The following PCDH15 variants were observed in gnomAD, a reference collection of about 807,000 sequenced individuals.
The protein encoded by PCDH15 is protocadherin-15.
In PCDH15, 129 loss-of-function variants were observed where a neutral mutation model predicts 178.5. The ratio of observed to expected loss-of-function variants is 0.72; its 90% CI spans 0.63 to 0.84. The LOEUF is 0.84. PCDH15 is among the 40% of genes least tolerant of loss of function. The pLI is 0.00. For synonymous variants in PCDH15, 800 were observed against 732.0 expected (o/e 1.09, Z -1.50); for missense variants, 2,230 against 2,099.9 (o/e 1.06, Z -1.21).
At chr10:54,109,423 CA>C (rs1443407230) in intron 15 of PCDH15, among the ~76,000 whole-genome samples, 1 of 152,122 alleles carries the variant, frequency 6.6e-6, no homozygotes, top group Admixed American at 6.5e-5. Context: ...AAAAGAAAAT[CA>C]AAGGCATCAA....
intron 1 of PCDH15, among the ~76,000 whole-genome samples, chr10:55,202,156 T>G (rs2132159940): frequency 6.6e-6 from 1 of 152,214 alleles, no homozygotes; most frequent in South Asian, 2.1e-4. Context: ...TGTATGGAGC[T>G]TCTGAAAGCC....
intron 2 of PCDH15, among the ~76,000 whole-genome samples, chr10:55,416,048 CAAGCA>C (rs1838475207): frequency 8.8e-6 from 1 of 113,208 alleles, no homozygotes; most frequent in African/African-American, 4.0e-5. Flanking sequence ...AACAAACAAA[CAAGCA>C]AACAAACAAA....
intron 8 of PCDH15, among the ~76,000 whole-genome samples, chr10:54,267,331 A>G (rs558634526): frequency 1.3e-5 from 2 of 152,026 alleles, no homozygotes; most frequent in East Asian, 3.9e-4. Flanking sequence ...CTAAATAGGC[A>G]AAAGTTGGAG....
chr10:54,968,912 T>C (rs933546551), intron 2 of PCDH15, among the ~76,000 whole-genome samples: 4 of 152,264 alleles, frequency 2.6e-5, no homozygotes, highest in African/African-American at 7.2e-5. Context: ...AATCTGTTAA[T>C]CCTATCCAGT....
upstream of PCDH15, among the ~76,000 whole-genome samples, chr10:54,804,539 T>C (rs1001285379): frequency 6.6e-6 from 1 of 152,036 alleles, no homozygotes; most frequent in Non-Finnish European, 1.5e-5. Flanking sequence ...ACCATCTTCT[T>C]GTCATTCACC....
intron 2 of PCDH15, among the ~76,000 whole-genome samples, chr10:55,377,159 A>G (rs945744271): frequency 7.9e-5 from 12 of 151,184 alleles, no homozygotes; most frequent in African/African-American, 2.7e-4. Flanking sequence ...AAAAAAAAAA[A>G]AAAAGAAAAG....
intron 2 of PCDH15, among the ~76,000 whole-genome samples, chr10:55,055,779 A>C (rs1441629920): frequency 6.6e-6 from 1 of 152,230 alleles, no homozygotes; most frequent in East Asian, 1.9e-4. Context: ...ACTGCATTCC[A>C]ACCTGGGTGA....
chr10:54,132,197 TA>T (rs1431238224), intron 15 of PCDH15, among the ~76,000 whole-genome samples: 1 of 152,180 alleles, frequency 6.6e-6, no homozygotes, highest in Non-Finnish European at 1.5e-5. Flanking sequence ...ACACCGTATT[TA>T]GCCCAACTTG....
chr10:54,590,147 T>G (rs2133922183), intron 2 of PCDH15, among the ~76,000 whole-genome samples: 1 of 152,304 alleles, frequency 6.6e-6, no homozygotes, highest in Middle Eastern at 3.4e-3. Context: ...TTTATTCCAT[T>G]TAGTGAACTT....
chr10:55,463,802 GTGTAATAATT>G (rs1247059141), intron 2 of PCDH15, among the ~76,000 whole-genome samples: 2 of 150,984 alleles, frequency 1.3e-5, no homozygotes, highest in Admixed American at 1.3e-4. Context: ...GCTTCAACAA[GTGTAATAATT>G]TAAATTAATT....
At chr10:54,013,563 C>T (rs144530251) in intron 20 of PCDH15, among the ~76,000 whole-genome samples, 2 of 152,254 alleles carry the variant, frequency 1.3e-5, no homozygotes, top group South Asian at 2.1e-4. Context: ...ACCACACTCT[C>T]TGAACATGGT....
At chr10:54,321,927 C>T (rs1210798810) in intron 7 of PCDH15, among the ~76,000 whole-genome samples, 1 of 151,872 alleles carries the variant, frequency 6.6e-6, no homozygotes, top group Non-Finnish European at 1.5e-5. Context: ...CAACACATAT[C>T]ACATAGGAAA....
intron 2 of PCDH15, among the ~76,000 whole-genome samples, chr10:55,083,375 A>T (rs1167341711): frequency 6.6e-6 from 1 of 151,902 alleles, no homozygotes; most frequent in Admixed American, 6.6e-5. Context: ...TTATAATTTA[A>T]AAAAGCTGCA....
At chr10:55,020,397 A>C (rs1194226619) in intron 2 of PCDH15, among the ~76,000 whole-genome samples, 2 of 151,890 alleles carry the variant, frequency 1.3e-5, no homozygotes, top group Non-Finnish European at 1.5e-5. Flanking sequence ...AAAAAAAAGA[A>C]GACTTGATTT....
chr10:55,078,309 A>G (rs1841959497), intron 2 of PCDH15, among the ~76,000 whole-genome samples: 1 of 152,098 alleles, frequency 6.6e-6, no homozygotes, highest in Non-Finnish European at 1.5e-5. Context: ...ATATTTTGGC[A>G]TTGCATCTGT....
At chr10:54,122,592 GA>G (rs144951147) in intron 15 of PCDH15, among the ~76,000 whole-genome samples, 4,488 of 145,102 alleles carry the variant, frequency 0.031, 246 homozygotes, top group African/African-American at 0.1. Flanking sequence ...AAAAAAAAAA[GA>G]AAAAAAAATC....
intron 1 of PCDH15, among the ~76,000 whole-genome samples, chr10:55,218,117 A>C (rs1564902086): frequency 6.6e-6 from 1 of 152,076 alleles, no homozygotes; most frequent in Admixed American, 6.6e-5. Flanking sequence ...TCCTCACAAT[A>C]ACCTTTTAAA....
chr10:55,062,399 T>C (rs1841455444), intron 2 of PCDH15, among the ~76,000 whole-genome samples: 5 of 152,226 alleles, frequency 3.3e-5, no homozygotes, highest in South Asian at 2.1e-4. Flanking sequence ...CTACCCAGTC[T>C]ATTGTATTTT....
intron 2 of PCDH15, among the ~76,000 whole-genome samples, chr10:55,085,834 CAA>C (rs1340581937): frequency 1.3e-5 from 2 of 151,542 alleles, no homozygotes; most frequent in African/African-American, 2.4e-5. Flanking sequence ...ATAATTACAT[CAA>C]GACTATTAAT....
Sources: allele counts gnomAD v4.1 joint callset (sites outside exome capture counted in the v4.1 genomes callset), GRCh38; gene constraint gnomAD v4.1.1; transcripts MANE v1.5; gene names NCBI Gene and HGNC (gene_info 2026-07-23, HGNC 2026-07-21).